PTPRD: variants seen among roughly 807,000 people sequenced by gnomAD.
PTPRD encodes the protein receptor-type tyrosine-protein phosphatase delta.
In PTPRD, 34 loss-of-function variants were observed where a neutral mutation model predicts 214.5. The observed-to-expected ratio is 0.16, with a 90% CI of 0.12 to 0.21. PTPRD has a LOEUF of 0.21. Ranked by LOEUF, PTPRD falls within the 10% of genes least tolerant of loss-of-function variation. The pLI is 1.00. For synonymous variants in PTPRD, 1,128 were observed against 845.7 expected, an observed-to-expected ratio of 1.33 and a Z score of -5.79; for missense variants, 2,545 against 2,398.7, an observed-to-expected ratio of 1.06 and a Z score of -1.27.
intron 3 of PTPRD, among the ~76,000 whole-genome samples, chr9:10,165,759 C>T (rs984256975): frequency 1.1e-4 from 17 of 150,938 alleles, no homozygotes; most frequent in Admixed American, 2.6e-4. Flanking sequence ...AAACATTTAT[C>T]GAAGTATTTT....
intron 43 of PTPRD, among the ~76,000 whole-genome samples, chr9:8,336,579 G>T: frequency 7.3e-6 from 1 of 136,838 alleles, no homozygotes; most frequent in East Asian, 2.2e-4. Flanking sequence ...GGCAACTAAA[G>T]CCAAAAGTGA....
chr9:8,727,670 GTTTT>G (rs900893622), intron 12 of PTPRD, among the ~76,000 whole-genome samples: 3 of 148,126 alleles, frequency 2.0e-5, no homozygotes, highest in Non-Finnish European at 4.5e-5. Context: ...TTGTTTGTTT[GTTTT>G]GAGACAGAGT....
At chr9:8,726,593 A>ATT (rs2098570601) in intron 12 of PTPRD, among the ~76,000 whole-genome samples, 2 of 1,320 alleles carry the variant, frequency 1.5e-3, no homozygotes, top group Non-Finnish European at 2.8e-3. Context: ...AAAAAAATAT[A>ATT]TATATATATA....
intron 9 of PTPRD, among the ~76,000 whole-genome samples, chr9:9,379,804 A>G (rs2061697525): frequency 6.6e-6 from 1 of 151,624 alleles, no homozygotes; most frequent in Non-Finnish European, 1.5e-5. Context: ...TGTAAGTGTT[A>G]TTTTGTTTTT....
At chr9:9,522,274 C>G (rs1204715894) in intron 8 of PTPRD, among the ~76,000 whole-genome samples, 1 of 150,716 alleles carries the variant, frequency 6.6e-6, no homozygotes, top group African/African-American at 2.4e-5. Context: ...TATTAGTTTG[C>G]TGTTTGACTA....
At chr9:10,400,186 T>G (rs73404289) in intron 2 of PTPRD, among the ~76,000 whole-genome samples, 5,621 of 151,858 alleles carry the variant, frequency 0.037, 322 homozygotes, top group African/African-American at 0.13. Flanking sequence ...CTGTGTGAGT[T>G]ACTCTTCTCA....
rs1413513965 is a variant in PTPRD, at chr9:9,879,123, C to A, written c.-368+59384G>T. On this transcript the variant is annotated intron_variant, in intron 5 of 45. Coordinates refer to ENST00000381196, the MANE Select transcript of PTPRD (RefSeq NM_002839.4). ...TTCTGAATGTGAATCTATAATTTAG[C>A]CTTAGGCTCCATTCTCCATAGAGAC... 5.9e-5 allele frequency among the ~76,000 whole-genome samples: 9 copies of A among 152,258 alleles called. No individual in the cohort carries two copies. The East Asian group carries it at 1.7e-3, about 29-fold the overall frequency.
intron 5 of PTPRD, among the ~76,000 whole-genome samples, chr9:9,907,056 A>G (rs2077770009): frequency 6.6e-6 from 1 of 151,860 alleles, no homozygotes; most frequent in Non-Finnish European, 1.5e-5. Context: ...TACTCTCCCC[A>G]ACACACACCA....
chr9:9,977,527 A>G (rs1050394578), intron 4 of PTPRD, among the ~76,000 whole-genome samples: 1 of 152,192 alleles, frequency 6.6e-6, no homozygotes, highest in Non-Finnish European at 1.5e-5. Flanking sequence ...CATTAACACT[A>G]TGAAACAAGG....
At chr9:8,940,457 TTTTTTTG>T (rs1244196797) in intron 11 of PTPRD, among the ~76,000 whole-genome samples, 1 of 136,504 alleles carries the variant, frequency 7.3e-6, no homozygotes, top group Admixed American at 7.6e-5. Context: ...TTTTTTTTTT[TTTTTTTG>T]GTATTTTTAA....
At chr9:9,794,797 T>A (rs2098991734) in intron 5 of PTPRD, among the ~76,000 whole-genome samples, 2 of 152,236 alleles carry the variant, frequency 1.3e-5, no homozygotes, top group Non-Finnish European at 2.9e-5. Flanking sequence ...CTAAAGGTCT[T>A]ATCTCTTCTG....
At chr9:9,558,083 G>A (rs1460418182) in intron 8 of PTPRD, among the ~76,000 whole-genome samples, 3 of 152,076 alleles carry the variant, frequency 2.0e-5, no homozygotes, top group Admixed American at 6.6e-5. Context: ...GCTGTGACCT[G>A]GCTCCCTCCT....
At chr9:9,141,891 T>C (rs752663344) in intron 10 of PTPRD, among the ~76,000 whole-genome samples, 5 of 151,614 alleles carry the variant, frequency 3.3e-5, no homozygotes, top group Non-Finnish European at 7.4e-5. Context: ...ATCGTGGAGG[T>C]TTATCATTAA....
chr9:9,906,581 C>T (rs1305217770), intron 5 of PTPRD, among the ~76,000 whole-genome samples: 1 of 151,914 alleles, frequency 6.6e-6, no homozygotes, highest in African/African-American at 2.4e-5. Context: ...TCCTATGACA[C>T]ATTTATTTAA....
rs976984449 is a variant in PTPRD, at chr9:8,927,917, G to C, written c.-104+90780C>G. ...TTGCCATTCTAACTGGCATGACATG[G>C]TATCTCATTGTGGTTTTGATTTGCA... On this transcript the variant is annotated intron_variant, in intron 11 of 45. Coordinates refer to ENST00000381196, the MANE Select transcript of PTPRD (RefSeq NM_002839.4). Among the ~76,000 whole-genome samples the C allele has an allele frequency of 8.5e-5, 13 of 152,160 alleles. 1 individual carries two copies. Among genetic ancestry groups the C allele is most frequent in the African/African-American group, 2.9e-4 (12 of 41,434 alleles).
chr9:9,225,190 C>A (rs1449536106), intron 9 of PTPRD, among the ~76,000 whole-genome samples: 8 of 151,934 alleles, frequency 5.3e-5, no homozygotes, highest in Non-Finnish European at 1.0e-4. Flanking sequence ...TAAGATGGAA[C>A]TTTCCAGAAT....
At chr9:9,919,721 G>C (rs927737174) in intron 5 of PTPRD, among the ~76,000 whole-genome samples, 2 of 152,034 alleles carry the variant, frequency 1.3e-5, no homozygotes, top group African/African-American at 4.8e-5. Flanking sequence ...AAAGAACAAC[G>C]GGCTATATTA....
In PTPRD at chr9:10,525,030, T is replaced by G. The variant is rs1419406656; in HGVS notation, c.-600+87368A>C. ...ATGTTTCTTCTCTGCAGACAAATGC[T>G]TCGGTTTCTATTTTCAGGGTAGTGG... On this transcript the variant is annotated intron_variant, in intron 2 of 45. Coordinates refer to ENST00000381196, the MANE Select transcript of PTPRD (RefSeq NM_002839.4). Among the ~76,000 whole-genome samples the G allele has an allele frequency of 2.6e-5, 4 of 151,950 alleles. 1 individual carries two copies. The South Asian group carries it at 8.3e-4, about 32-fold the overall frequency.
chr9:8,606,743 G>T (rs2095236186), intron 14 of PTPRD, among the ~76,000 whole-genome samples: 1 of 152,128 alleles, frequency 6.6e-6, no homozygotes, highest in African/African-American at 2.4e-5. Flanking sequence ...CTAGAGGAAG[G>T]TCATTTTTAT....
Sources: gnomAD v4.1 joint callset for allele counts (sites outside exome capture counted in the v4.1 genomes callset) on GRCh38, gnomAD v4.1.1 for gene constraint, MANE v1.5 for transcripts, NCBI Gene and HGNC (gene_info 2026-07-23, HGNC 2026-07-21) for gene names.